The following KLRG1 variants were observed in gnomAD, a reference collection of about 807,000 sequenced individuals.
KLRG1 encodes the protein killer cell lectin-like receptor subfamily G member 1.
A neutral mutation model predicts 21.8 loss-of-function variants in KLRG1; 16 were observed. The ratio of observed to expected loss-of-function variants is 0.73; its 90% CI spans 0.50 to 1.11. KLRG1 has a LOEUF of 1.11. Ranked by LOEUF, KLRG1 falls within the 50% of genes most tolerant of loss-of-function variation. The pLI, the probability that KLRG1 is intolerant of heterozygous loss-of-function variation, is 0.00. For missense variants in KLRG1, 173 were observed against 218.3 expected (o/e 0.79, Z 1.31); for synonymous variants, 69 against 75.9 (o/e 0.91, Z 0.47).
chr12:9,054,127 G>T, the KLRG1 span, among the ~76,000 whole-genome samples: 2 of 152,166 alleles, frequency 1.3e-5, no homozygotes, highest in African/African-American at 4.8e-5. Flanking sequence ...TTGTGCACTG[G>T]TCATACGAAT....
chr12:9,138,188 C>T, the KLRG1 span, among the ~76,000 whole-genome samples: 1 of 151,948 alleles, frequency 6.6e-6, no homozygotes, highest in African/African-American at 2.4e-5. Flanking sequence ...TTGAGATACT[C>T]TCCTATTTAT....
chr12:9,154,068 C>T, the KLRG1 span, among the ~76,000 whole-genome samples: 1 of 152,148 alleles, frequency 6.6e-6, no homozygotes, highest in African/African-American at 2.4e-5. Flanking sequence ...CCAAAAAGAT[C>T]AAAGTGGATT....
At chr12:9,003,620 C>T (rs1565552188) in intron 3 of KLRG1, among the ~76,000 whole-genome samples, 1 of 151,654 alleles carries the variant, frequency 6.6e-6, no homozygotes, top group African/African-American at 2.4e-5. Context: ...ACCTTCTTAC[C>T]CCCAGCATGC....
At chr12:9,138,577 A>C in the KLRG1 span, among the ~76,000 whole-genome samples, 1 of 151,888 alleles carries the variant, frequency 6.6e-6, no homozygotes, top group African/African-American at 2.4e-5. Context: ...ACTGATTGGC[A>C]CTTTTTTAAA....
chr12:9,068,615 G>T, the KLRG1 span: 1 of 799,098 alleles, frequency 1.3e-6, no homozygotes, highest in Non-Finnish European at 2.1e-6. Context: ...CATCAGACTT[G>T]ATGGAGACAA....
At chr12:9,206,242 G>T in the KLRG1 span, among the ~76,000 whole-genome samples, 1 of 151,348 alleles carries the variant, frequency 6.6e-6, no homozygotes, top group Non-Finnish European at 1.5e-5. Context: ...ATCTTAATAA[G>T]AAGGTATATA....
chr12:8,993,479 G>A (rs762288724), intron 2 of KLRG1, among the ~76,000 whole-genome samples: 10 of 151,874 alleles, frequency 6.6e-5, no homozygotes, highest in African/African-American at 9.7e-5. Context: ...TATTAGAGAC[G>A]GGGTTTCACT....
At chr12:8,962,369 T>C (rs1946395664) in intron 1 of KLRG1, among the ~76,000 whole-genome samples, 2 of 152,090 alleles carry the variant, frequency 1.3e-5, no homozygotes, top group Non-Finnish European at 2.9e-5. Context: ...TAGAAACTGC[T>C]GAAGGAAAGA....
chr12:9,192,366 A>C, the KLRG1 span: 4 of 1,297,370 alleles, frequency 3.1e-6, no homozygotes, highest in Non-Finnish European at 4.4e-6. Context: ...GAGAGAATCA[A>C]CCTCAAGAAA....
At chr12:8,953,389 G>A (rs1946237916) in intron 1 of KLRG1, among the ~76,000 whole-genome samples, 3 of 152,180 alleles carry the variant, frequency 2.0e-5, no homozygotes, top group East Asian at 3.8e-4. Flanking sequence ...ACCACTCAAA[G>A]GTGGGCACGA....
the KLRG1 span, chr12:9,152,267 C>T: frequency 6.2e-7 from 1 of 1,613,204 alleles, no homozygotes; most frequent in Non-Finnish European, 8.5e-7. Flanking sequence ...ACCATCTTTA[C>T]ATCAACAATC....
chr12:9,181,114 G>T, the KLRG1 span: 1 of 1,614,088 alleles, frequency 6.2e-7, no homozygotes, highest in Non-Finnish European at 8.5e-7. Flanking sequence ...CTTTGTGCTG[G>T]GCTGAAGCTC....
At chr12:9,116,104 A>C in the KLRG1 span, 1 of 452,994 alleles carries the variant, frequency 2.2e-6, no homozygotes, top group Non-Finnish European at 4.1e-6. Flanking sequence ...CTAAAACTAC[A>C]TTCCCATTCC....
the KLRG1 span, among the ~76,000 whole-genome samples, chr12:9,049,031 A>G: frequency 6.6e-6 from 1 of 152,240 alleles, no homozygotes; most frequent in African/African-American, 2.4e-5. Context: ...AAGAAAGCCA[A>G]TTAAGAGACA....
At chr12:9,118,248 G>C in the KLRG1 span, among the ~76,000 whole-genome samples, 11 of 152,266 alleles carry the variant, frequency 7.2e-5, no homozygotes, top group East Asian at 2.1e-3. Flanking sequence ...GCTGGGTGCA[G>C]ACTGCCTAGT....
chr12:9,118,079 A>G, the KLRG1 span, among the ~76,000 whole-genome samples: 1 of 152,228 alleles, frequency 6.6e-6, no homozygotes, highest in Non-Finnish European at 1.5e-5. Flanking sequence ...ATTTTAAAAA[A>G]TGAAAGAGAA....
the KLRG1 span, chr12:9,080,238 G>C: frequency 8.5e-7 from 1 of 1,180,858 alleles, no homozygotes; most frequent in East Asian, 2.6e-5. Context: ...TTTCTAAACA[G>C]CTCTATGACC....
chr12:9,155,577 C>G, the KLRG1 span, among the ~76,000 whole-genome samples: 1 of 152,196 alleles, frequency 6.6e-6, no homozygotes, highest in African/African-American at 2.4e-5. Flanking sequence ...TGTGTTCTTT[C>G]TAGTAGTGGT....
the KLRG1 span, among the ~76,000 whole-genome samples, chr12:9,189,952 C>T: frequency 6.6e-6 from 1 of 152,056 alleles, no homozygotes; most frequent in East Asian, 1.9e-4. Flanking sequence ...ATTATCATCT[C>T]ACATCAGTCA....
Sources: gnomAD v4.1 joint callset for allele counts (sites outside exome capture counted in the v4.1 genomes callset) on GRCh38, gnomAD v4.1.1 for gene constraint, MANE v1.5 for transcripts, NCBI Gene and HGNC (gene_info 2026-07-23, HGNC 2026-07-21) for gene names.